PPM1A: variants seen among roughly 807,000 people sequenced by gnomAD.
The protein encoded by PPM1A is protein phosphatase 1A.
PPM1A carries 7 observed loss-of-function variants against 35.0 expected under a neutral mutation model. That is an observed-to-expected ratio of 0.20 (90% CI 0.11 to 0.38). The LOEUF is 0.38. Among genes scored for constraint, PPM1A ranks in the 10% least tolerant of loss-of-function variants. The pLI is 1.00. For missense variants in PPM1A, 239 were observed against 467.8 expected (o/e 0.51, Z 4.51); for synonymous variants, 153 against 167.3 (o/e 0.91, Z 0.66).
At position 60,289,687 on chromosome 14, in the gene PPM1A, A is replaced by G. The variant is rs1287583165; in HGVS notation, c.953-119A>G. The G allele has an allele frequency of 1.3e-5, 8 of 613,696 alleles. No homozygotes were observed. In the East Asian group the frequency reaches 2.7e-4, roughly 20 times the overall value. 38.0% of individuals were successfully genotyped at this position (613,696 alleles called of 1,614,324 possible). On this transcript the variant is annotated intron_variant, in intron 3 of 5. Transcript: ENST00000395076. This position sits in a 1 kb window ranked among gnomAD's most constrained non-coding sequence, Gnocchi z 4.1. ...TTTTTTTTTTTTTAAATGATACCAGATTAGAAAAATCTCAGATGTGGTAAA... is the reference window on the plus strand; with the variant it reads ...TTTTTTTTTTTTTAAATGATACCAGGTTAGAAAAATCTCAGATGTGGTAAA...
At chr14:60,246,141 G>T, upstream of PPM1A, 2 of 1,230,424 alleles carry the variant, frequency 1.6e-6, no homozygotes, top group Non-Finnish European at 2.2e-6. Context: ...ATGGTGAGGG[G>T]TATTCTCAAA....
Position 60,292,778 on chromosome 14 carries a change from T to A in PPM1A, c.*296T>A, listed in dbSNP as rs1887772232. 3.6e-6 allele frequency: 1 copy of A among 276,682 alleles called. No homozygotes were observed. The highest frequency in any genetic ancestry group is 6.8e-6 in the Non-Finnish European group (1 of 147,660). The allele number at this position is 276,682 out of a possible 1,614,324, so 17.1% of individuals were successfully genotyped here. A position where few individuals can be genotyped will look rare whatever the true frequency, so the allele number is the denominator to read the frequency against. On this transcript the variant is annotated 3_prime_UTR_variant, in exon 6 of 6. Coordinates refer to ENST00000395076, the MANE Select transcript of PPM1A (RefSeq NM_021003.5). This position sits in a 1 kb window ranked among gnomAD's most constrained non-coding sequence, Gnocchi z 4.2. ...TTTTTTTGTAAAGTGTAATTGTCCTTGTACAAAATGCTCATATTTAATTAT... is the reference window on the plus strand; with the variant it reads ...TTTTTTTGTAAAGTGTAATTGTCCTAGTACAAAATGCTCATATTTAATTAT...
intron 3 of PPM1A, chr14:60,287,602 C>T: frequency 7.1e-6 from 7 of 985,212 alleles, no homozygotes; most frequent in Non-Finnish European, 8.4e-6. Context: ...CACTAGATTG[C>T]TGTGACCTAC....
At chr14:60,288,689 T>C in intron 3 of PPM1A, 1 of 323,088 alleles carries the variant, frequency 3.1e-6, no homozygotes, top group Non-Finnish European at 4.5e-6. Flanking sequence ...TGGGTAGCCA[T>C]GTCTTTAAAA....
chr14:60,275,021 T>C (rs983206055), intron 1 of PPM1A, among the ~76,000 whole-genome samples: 8 of 151,592 alleles, frequency 5.3e-5, no homozygotes, highest in Non-Finnish European at 7.4e-5. Flanking sequence ...TTTCTTTCAG[T>C]CCCAGACAAA....
chr14:60,251,135 A>G (rs773954379), intron 1 of PPM1A, among the ~76,000 whole-genome samples: 3 of 152,248 alleles, frequency 2.0e-5, no homozygotes, highest in Non-Finnish European at 4.4e-5. Context: ...ACTTTCAGTC[A>G]TGTAAGGATG....
chr14:60,250,752 G>A (rs1437972801), intron 1 of PPM1A, among the ~76,000 whole-genome samples: 1 of 152,146 alleles, frequency 6.6e-6, no homozygotes, highest in African/African-American at 2.4e-5. Context: ...TTGCACGTTG[G>A]GGTTTTAAAC....
chr14:60,252,557 G>A (rs535140074), intron 1 of PPM1A, among the ~76,000 whole-genome samples: 9 of 152,228 alleles, frequency 5.9e-5, no homozygotes, highest in African/African-American at 2.2e-4. Context: ...GAGGCAACTG[G>A]GTAAAAGTTG....
intron 1 of PPM1A, among the ~76,000 whole-genome samples, chr14:60,262,693 CAA>C (rs1228928593): frequency 4.6e-5 from 7 of 151,718 alleles, no homozygotes; most frequent in African/African-American, 1.7e-4. Flanking sequence ...CTCAAACAAA[CAA>C]ACAACAAAAA....
At chr14:60,278,740 TTAG>T (rs760621856) in intron 1 of PPM1A, among the ~76,000 whole-genome samples, 2 of 152,272 alleles carry the variant, frequency 1.3e-5, no homozygotes, top group Non-Finnish European at 2.9e-5. Context: ...TTTTATACTT[TTAG>T]CAAATATGTG....
chr14:60,265,363 A>G (rs978364763), intron 1 of PPM1A, among the ~76,000 whole-genome samples: 1 of 152,150 alleles, frequency 6.6e-6, no homozygotes, highest in Non-Finnish European at 1.5e-5. Context: ...CCAGCCATGC[A>G]TGGGTACCTT....
At chr14:60,268,184 G>A (rs1595305645) in intron 1 of PPM1A, 1 of 508,910 alleles carries the variant, frequency 2.0e-6, no homozygotes, top group East Asian at 1.5e-4. Context: ...TGACCTCCTT[G>A]GTCTCCTTTA....
chr14:60,256,076 C>T (rs553928649), intron 1 of PPM1A, among the ~76,000 whole-genome samples: 63 of 152,290 alleles, frequency 4.1e-4, no homozygotes, highest in African/African-American at 1.4e-3. Context: ...TTCAAATAAA[C>T]CTCTAAGCTA....
rs1274689438 is a variant in PPM1A, at chr14:60,297,887, T to G, written c.*5405T>G. On this transcript the variant is annotated 3_prime_UTR_variant, in exon 6 of 6. Coordinates refer to ENST00000395076, the MANE Select transcript of PPM1A (RefSeq NM_021003.5). ...AAGTTTACAATATTGTAGTGGTTCA[T>G]GGGCCCCCTGGTTAAGAGCCCATTC... 1.3e-5 allele frequency: 2 copies of G among 151,556 alleles called. No homozygotes were observed. The highest frequency in any genetic ancestry group is 1.3e-4 in the Admixed American group (2 of 15,188). The allele number at this position is 151,556 out of a possible 1,614,324, so 9.4% of individuals were successfully genotyped here.
In PPM1A at chr14:60,296,930, CTATTTATATTACTAGCAGG is replaced by C. The variant is rs1302378757; in HGVS notation, c.*4451_*4469del. The C allele has an allele frequency of 2.2e-5, 6 of 271,016 alleles. No individual in the cohort carries two copies. The highest frequency in any genetic ancestry group is 3.4e-5 in the Non-Finnish European group (5 of 146,730). 16.8% of individuals were successfully genotyped at this position (271,016 alleles called of 1,614,324 possible). A position where few individuals can be genotyped will look rare whatever the true frequency, so the allele number is the denominator to read the frequency against. ...AGTGGCTTCTGCTCTCACTGTTTTC[CTATTTATATTACTAGCAGG>C]TAGGAGTGCTAATTAGAAAAACTTA... On this transcript the variant is annotated 3_prime_UTR_variant, in exon 6 of 6. Transcript: ENST00000395076. This position sits in a 1 kb window ranked among gnomAD's most constrained non-coding sequence, Gnocchi z 4.4.
chr14:60,256,812 T>C (rs1411590306), intron 1 of PPM1A: 2 of 152,240 alleles, frequency 1.3e-5, no homozygotes, highest in African/African-American at 4.8e-5. Context: ...TACATGTTCT[T>C]GGACTTTGCA....
chr14:60,276,311 G>A (rs1355670031), intron 1 of PPM1A, among the ~76,000 whole-genome samples: 1 of 152,110 alleles, frequency 6.6e-6, no homozygotes, highest in African/African-American at 2.4e-5. Context: ...CCTTCCCCGA[G>A]GAGCTTGTAG....
At position 60,273,096 on chromosome 14, in the gene PPM1A, A is replaced by AGTCT. The variant is rs929817955; in HGVS notation, c.-20-9587_-20-9584dup. 6.6e-6 allele frequency among the ~76,000 whole-genome samples: 1 copy of AGTCT among 152,126 alleles called. No individual in the cohort carries two copies. The highest frequency in any genetic ancestry group is 2.4e-5 in the African/African-American group (1 of 41,420). ...TAGCTTCTCTGTTTCTCCTTCAGAA[A>AGTCT]GTCTTGTTTTTTATATGCATATTTA... On this transcript the variant is annotated intron_variant, in intron 1 of 5. Transcript: ENST00000395076. The surrounding 1 kb of genome is among the most constrained non-coding windows in gnomAD (Gnocchi z 4.3).
chr14:60,280,545 CTTTT>C (rs1566595817), intron 1 of PPM1A, among the ~76,000 whole-genome samples: 1 of 152,198 alleles, frequency 6.6e-6, no homozygotes, highest in African/African-American at 2.4e-5. Flanking sequence ...ACTCACGTCT[CTTTT>C]TTTCTTTCCT....
Sources: gnomAD v4.1 joint callset for allele counts (sites outside exome capture counted in the v4.1 genomes callset) on GRCh38, gnomAD v4.1.1 for gene constraint, Gnocchi (gnomAD v3.1) non-coding constraint, MANE v1.5 for transcripts, NCBI Gene and HGNC (gene_info 2026-07-23, HGNC 2026-07-21) for gene names.